HTR1F: variants seen among roughly 807,000 people sequenced by gnomAD.
The protein encoded by HTR1F is 5-hydroxytryptamine receptor 1F.
A neutral mutation model predicts 24.0 loss-of-function variants in HTR1F; 17 were observed. The observed-to-expected ratio is 0.71, with a 90% CI of 0.48 to 1.06. The LOEUF is 1.06. HTR1F is among the 50% of genes least tolerant of loss of function. The pLI, the probability that HTR1F is intolerant of heterozygous loss-of-function variation, is 0.00. For synonymous variants in HTR1F, 186 were observed against 156.8 expected (o/e 1.19, Z -1.39); for missense variants, 391 against 427.8 (o/e 0.91, Z 0.76).
rs1039379923 is a variant in HTR1F at position 87,991,680 on chromosome 3, G to A, written c.931G>A (p.Val311Ile). 1.2e-6 allele frequency: 2 copies of A among 1,611,908 alleles called. No homozygotes were observed. The highest frequency in any genetic ancestry group is 2.7e-5 in the African/African-American group (2 of 74,692). ...AFVICWLPFF[V>I]KELVVNVCDK... The stretch of plus-strand genomic sequence containing the variant: ...TGTAATATGTTGGCTTCCTTTTTTT[G>A]TAAAAGAATTAGTTGTTAATGTCTG... Residue 311 changes from valine (V) to isoleucine (I), a missense_variant, in exon 3 of 3, where the codon GTA (valine) becomes ATA (isoleucine). Transcript: ENST00000319595.
At chr3:87,911,549 A>G (rs756055281) in intron 2 of HTR1F, among the ~76,000 whole-genome samples, 18 of 152,110 alleles carry the variant, frequency 1.2e-4, no homozygotes, top group Non-Finnish European at 2.1e-4. Flanking sequence ...ATTTCTACTG[A>G]AACTATTTCA....
At chr3:87,841,900 CA>C (rs1463648976) in intron 2 of HTR1F, among the ~76,000 whole-genome samples, 229 of 57,470 alleles carry the variant, frequency 4.0e-3, no homozygotes, top group South Asian at 0.017. Context: ...GATTCTGTCT[CA>C]AAAAAAAAAA....
intron 2 of HTR1F, among the ~76,000 whole-genome samples, chr3:87,919,260 T>C (rs1287576328): frequency 1.3e-5 from 2 of 152,096 alleles, no homozygotes; most frequent in East Asian, 3.9e-4. Flanking sequence ...GACTTGAAAC[T>C]ATAAAAATCC....
intron 2 of HTR1F, among the ~76,000 whole-genome samples, chr3:87,845,251 G>A (rs1704913086): frequency 6.6e-6 from 1 of 151,640 alleles, no homozygotes; most frequent in Admixed American, 6.6e-5. Flanking sequence ...GGCAGGAGAA[G>A]GAAATAAAGG....
intron 2 of HTR1F, among the ~76,000 whole-genome samples, chr3:87,876,769 A>G (rs937555635): frequency 1.3e-5 from 2 of 152,158 alleles, no homozygotes; most frequent in Non-Finnish European, 2.9e-5. Context: ...CCGAAGAACA[A>G]CATATACATA....
At chr3:87,916,363 G>C (rs1334619592) in intron 2 of HTR1F, among the ~76,000 whole-genome samples, 1 of 147,622 alleles carries the variant, frequency 6.8e-6, no homozygotes, top group Non-Finnish European at 1.5e-5. Flanking sequence ...ATGAAGAATG[G>C]AATGGTACCT....
chr3:87,883,451 C>A (rs1705857967), intron 2 of HTR1F, among the ~76,000 whole-genome samples: 1 of 152,100 alleles, frequency 6.6e-6, no homozygotes, highest in Admixed American at 6.5e-5. Flanking sequence ...AGCAACAGAA[C>A]AAAGCTGGAT....
chr3:87,849,219 T>C (rs1171712855), intron 2 of HTR1F, among the ~76,000 whole-genome samples: 1 of 151,886 alleles, frequency 6.6e-6, no homozygotes, highest in African/African-American at 2.4e-5. Flanking sequence ...ACTACAAGGC[T>C]ACGGTAACCA....
chr3:87,964,880 T>C (rs1484356379), intron 2 of HTR1F, among the ~76,000 whole-genome samples: 3 of 152,114 alleles, frequency 2.0e-5, no homozygotes, highest in Non-Finnish European at 4.4e-5. Flanking sequence ...TAGGAGGCAA[T>C]TGAATCATGA....
At chr3:87,962,145 A>C (rs1350453715) in intron 2 of HTR1F, among the ~76,000 whole-genome samples, 1 of 152,062 alleles carries the variant, frequency 6.6e-6, no homozygotes, top group Admixed American at 6.6e-5. Flanking sequence ...GTAATAAAGA[A>C]AGACAGACAA....
At chr3:87,859,319 A>T (rs1246561731) in intron 2 of HTR1F, among the ~76,000 whole-genome samples, 2 of 152,240 alleles carry the variant, frequency 1.3e-5, no homozygotes, top group African/African-American at 2.4e-5. Flanking sequence ...AAAATACTTC[A>T]TACTACTAAA....
chr3:87,925,864 G>A (rs143806246), intron 2 of HTR1F, among the ~76,000 whole-genome samples: 314 of 152,168 alleles, frequency 2.1e-3, no homozygotes, highest in African/African-American at 7.3e-3. Flanking sequence ...CTGCCATATC[G>A]AGTTTTTGTA....
chr3:87,931,958 G>A (rs1267226976), intron 2 of HTR1F, among the ~76,000 whole-genome samples: 1 of 152,040 alleles, frequency 6.6e-6, no homozygotes, highest in Non-Finnish European at 1.5e-5. Context: ...TTTGTCAGAT[G>A]AGTGGGTTGC....
chr3:87,862,408 T>C (rs1315358832), intron 2 of HTR1F, among the ~76,000 whole-genome samples: 2 of 152,220 alleles, frequency 1.3e-5, no homozygotes, highest in Non-Finnish European at 2.9e-5. Context: ...TCCTTCCCTA[T>C]TGTGAAAGAT....
At chr3:87,917,475 C>T (rs959146895) in intron 2 of HTR1F, among the ~76,000 whole-genome samples, 1 of 149,610 alleles carries the variant, frequency 6.7e-6, no homozygotes, top group Non-Finnish European at 1.5e-5. Flanking sequence ...GCAAGACTAA[C>T]CAAGAAAAGA....
chr3:87,832,483 A>G (rs1704603070), intron 2 of HTR1F, among the ~76,000 whole-genome samples: 1 of 151,960 alleles, frequency 6.6e-6, no homozygotes. Flanking sequence ...GCACGCCGCC[A>G]CACCCGGCTA....
intron 1 of HTR1F, among the ~76,000 whole-genome samples, chr3:87,801,687 A>T (rs1703992209): frequency 6.6e-6 from 1 of 152,194 alleles, no homozygotes; most frequent in African/African-American, 2.4e-5. Flanking sequence ...AGGCTATCTC[A>T]GTGAGCAGAG....
chr3:87,879,720 A>C (rs1705747282), intron 2 of HTR1F, among the ~76,000 whole-genome samples: 1 of 152,202 alleles, frequency 6.6e-6, no homozygotes, highest in Non-Finnish European at 1.5e-5. Context: ...ATATTTCCAT[A>C]AAATGAATAT....
chr3:87,907,198 T>A (rs1703685469), intron 2 of HTR1F, among the ~76,000 whole-genome samples: 1 of 43,752 alleles, frequency 2.3e-5, no homozygotes, highest in Non-Finnish European at 3.8e-5. Context: ...CCAACATTTA[T>A]TTTTTTTTTT....
Sources: allele counts gnomAD v4.1 joint callset (sites outside exome capture counted in the v4.1 genomes callset), GRCh38; gene constraint gnomAD v4.1.1; transcripts MANE v1.5; gene names NCBI Gene and HGNC (gene_info 2026-07-23, HGNC 2026-07-21).